The following DLGAP1 variants were observed in gnomAD, a reference collection of about 807,000 sequenced individuals.
DLGAP1 encodes the protein DLG associated protein 1.
DLGAP1 carries 11 observed loss-of-function variants against 90.8 expected under a neutral mutation model. That is an observed-to-expected ratio of 0.12 (90% confidence interval 0.08 to 0.20). DLGAP1 has a LOEUF of 0.20. DLGAP1 is among the 10% of genes least tolerant of loss of function. The probability of loss-of-function intolerance (pLI) is 1.00; values close to 1 mark genes in which losing one functional copy is unlikely to be tolerated. For synonymous variants in DLGAP1, 558 were observed against 540.7 expected, an observed-to-expected ratio of 1.03 and a Z score of -0.44; for missense variants, 1,050 against 1,333.8, an observed-to-expected ratio of 0.79 and a Z score of 3.31.
At chr18:4,384,992 T>C (rs954195558) in intron 1 of DLGAP1, among the ~76,000 whole-genome samples, 1 of 152,144 alleles carries the variant, frequency 6.6e-6, no homozygotes, top group African/African-American at 2.4e-5. Context: ...CCACTGTGGC[T>C]GTAATGCCTC....
intron 2 of DLGAP1, among the ~76,000 whole-genome samples, chr18:4,027,486 A>G (rs1405747967): frequency 2.3e-5 from 3 of 129,732 alleles, no homozygotes; most frequent in Non-Finnish European, 4.7e-5. Context: ...CCTAGGTGAC[A>G]GAGCAAGACT....
intron 1 of DLGAP1, among the ~76,000 whole-genome samples, chr18:4,360,776 C>T (rs1025966918): frequency 2.6e-5 from 4 of 152,012 alleles, no homozygotes; most frequent in Non-Finnish European, 2.9e-5. Flanking sequence ...GTCAGGAGTT[C>T]GAGACCAGCC....
At chr18:3,746,673 A>T (rs537168127) in intron 5 of DLGAP1, among the ~76,000 whole-genome samples, 1 of 152,344 alleles carries the variant, frequency 6.6e-6, no homozygotes, top group East Asian at 1.9e-4. Context: ...AAGAAAATAA[A>T]TATATAAATT....
intron 7 of DLGAP1, among the ~76,000 whole-genome samples, chr18:3,633,690 C>T (rs1382315200): frequency 6.6e-6 from 1 of 152,204 alleles, no homozygotes; most frequent in South Asian, 2.1e-4. Context: ...TTTTGTGATT[C>T]CTTAGATAAT....
chr18:3,959,806 G>A (rs1456297130), intron 3 of DLGAP1, among the ~76,000 whole-genome samples: 3 of 152,122 alleles, frequency 2.0e-5, no homozygotes, highest in Non-Finnish European at 4.4e-5. Flanking sequence ...TATGTAACCC[G>A]ATGCATCTAA....
chr18:3,917,410 GT>G (rs1287801085), intron 3 of DLGAP1, among the ~76,000 whole-genome samples: 1 of 152,192 alleles, frequency 6.6e-6, no homozygotes, highest in Non-Finnish European at 1.5e-5. Flanking sequence ...GAGTCTAAGA[GT>G]GATGGCTAAA....
intron 5 of DLGAP1, among the ~76,000 whole-genome samples, chr18:3,802,263 A>T (rs148436869): frequency 1.3e-5 from 2 of 149,184 alleles, no homozygotes; most frequent in African/African-American, 2.5e-5. Flanking sequence ...GATTACAGGC[A>T]TGAGCCACCG....
At chr18:4,373,373 T>C (rs573182828) in intron 1 of DLGAP1, among the ~76,000 whole-genome samples, 2 of 152,110 alleles carry the variant, frequency 1.3e-5, no homozygotes, top group East Asian at 1.9e-4. Flanking sequence ...CACTGGGCAA[T>C]GGAGGTGAGA....
intron 2 of DLGAP1, among the ~76,000 whole-genome samples, chr18:4,140,922 C>T (rs2076485178): frequency 1.3e-5 from 2 of 151,854 alleles, no homozygotes; most frequent in Non-Finnish European, 2.9e-5. Flanking sequence ...AGATCCATTG[C>T]ATGTTATTTG....
intron 2 of DLGAP1, among the ~76,000 whole-genome samples, chr18:4,099,378 C>A (rs867222100): frequency 2.6e-5 from 4 of 151,698 alleles, no homozygotes; most frequent in South Asian, 2.1e-4. Context: ...TACAGGCATA[C>A]CTTGGAGATA....
chr18:3,618,260 G>A (rs1316121002), intron 7 of DLGAP1, among the ~76,000 whole-genome samples: 1 of 152,206 alleles, frequency 6.6e-6, no homozygotes, highest in Non-Finnish European at 1.5e-5. Flanking sequence ...CCTTTAAGGG[G>A]CTTTGAAGAG....
At chr18:3,917,479 T>A (rs1486856027) in intron 3 of DLGAP1, among the ~76,000 whole-genome samples, 1 of 152,232 alleles carries the variant, frequency 6.6e-6, no homozygotes, top group African/African-American at 2.4e-5. Flanking sequence ...TGTGTTCTCA[T>A]TTCTGGAGGA....
intron 1 of DLGAP1, among the ~76,000 whole-genome samples, chr18:4,345,052 T>C (rs542344113): frequency 6.6e-6 from 1 of 152,332 alleles, no homozygotes; most frequent in South Asian, 2.1e-4. Flanking sequence ...ACCTGTGTGC[T>C]TGAGAGGGCA....
At chr18:3,674,296 A>AAAAAAAAAAAAATATATATAT (rs755076240) in intron 7 of DLGAP1, among the ~76,000 whole-genome samples, 4 of 128,992 alleles carry the variant, frequency 3.1e-5, no homozygotes, top group African/African-American at 1.3e-4. Context: ...ATAATATTAA[A>AAAAAAAAAAAAATATATATAT]ATATATATAT....
intron 2 of DLGAP1, among the ~76,000 whole-genome samples, chr18:4,035,249 A>C (rs1350453801): frequency 4.3e-4 from 66 of 152,156 alleles, no homozygotes. Context: ...GGCTGAGAAC[A>C]CAAGGGGGGA....
chr18:3,506,462 G>A (rs1036455376), intron 11 of DLGAP1, among the ~76,000 whole-genome samples: 3 of 130,798 alleles, frequency 2.3e-5, no homozygotes, highest in Non-Finnish European at 3.1e-5. Context: ...GCAGTGAGCC[G>A]AGATTGCGCC....
At chr18:3,731,309 C>G (rs1032660318) in intron 6 of DLGAP1, among the ~76,000 whole-genome samples, 1 of 150,468 alleles carries the variant, frequency 6.6e-6, no homozygotes, top group African/African-American at 2.5e-5. Flanking sequence ...GGATGATTAT[C>G]TTTCCAGATA....
At chr18:3,854,495 C>T (rs951899103) in intron 4 of DLGAP1, among the ~76,000 whole-genome samples, 1 of 152,116 alleles carries the variant, frequency 6.6e-6, no homozygotes, top group East Asian at 1.9e-4. Flanking sequence ...ACAAGTTGTT[C>T]TTTCCTCAAG....
chr18:3,809,350 A>G (rs2066717435), intron 5 of DLGAP1, among the ~76,000 whole-genome samples: 1 of 152,240 alleles, frequency 6.6e-6, no homozygotes. Flanking sequence ...ACAGCTACTT[A>G]GTATTTTTCC....
Sources: allele counts gnomAD v4.1 joint callset (sites outside exome capture counted in the v4.1 genomes callset), GRCh38; gene constraint gnomAD v4.1.1; transcripts MANE v1.5; gene names NCBI Gene and HGNC (gene_info 2026-07-23, HGNC 2026-07-21).